Variants in EXOC4 observed in about 807,000 individuals in gnomAD.
EXOC4 encodes exocyst complex component 4.
A neutral mutation model predicts 107.2 loss-of-function variants in EXOC4; 71 were observed. The observed-to-expected ratio is 0.66, with a 90% CI of 0.55 to 0.81. The LOEUF (loss-of-function observed/expected upper bound fraction) is 0.81, where lower values mean the gene tolerates loss of function less well. Among genes scored for constraint, EXOC4 ranks in the 30% least tolerant of loss-of-function variants. EXOC4 has a pLI of 0.00. For synonymous variants in EXOC4, 456 were observed against 441.2 expected (o/e 1.03, Z -0.42); for missense variants, 1,108 against 1,189.6 (o/e 0.93, Z 1.01).
chr7:133,369,088 T>C (rs1796307334), intron 6 of EXOC4, among the ~76,000 whole-genome samples: 1 of 152,232 alleles, frequency 6.6e-6, no homozygotes, highest in Non-Finnish European at 1.5e-5. Context: ...CCTTAGTGTG[T>C]CTGCAGCTAA....
At chr7:133,375,319 T>C (rs991249988) in intron 7 of EXOC4, among the ~76,000 whole-genome samples, 1 of 152,004 alleles carries the variant, frequency 6.6e-6, no homozygotes, top group African/African-American at 2.4e-5. Flanking sequence ...CTACTAAAAA[T>C]ACAAAAATTA....
chr7:133,282,468 A>T (rs1794179415), intron 2 of EXOC4, among the ~76,000 whole-genome samples: 1 of 152,178 alleles, frequency 6.6e-6, no homozygotes, highest in African/African-American at 2.4e-5. Context: ...TTTCAATCTT[A>T]ATTATACTTA....
At chr7:133,942,428 G>T (rs561985888) in intron 14 of EXOC4, among the ~76,000 whole-genome samples, 22 of 152,008 alleles carry the variant, frequency 1.4e-4, no homozygotes, top group Middle Eastern at 6.8e-3. Context: ...AATTTTTTGG[G>T]CAAATAAATC....
intron 17 of EXOC4, among the ~76,000 whole-genome samples, chr7:134,008,243 C>T (rs1161663938): frequency 1.3e-5 from 2 of 152,184 alleles, no homozygotes; most frequent in Non-Finnish European, 2.9e-5. Context: ...ACTTTTCACA[C>T]ATATTCAAGC....
At chr7:133,518,020 G>A (rs1799912168) in intron 9 of EXOC4, among the ~76,000 whole-genome samples, 1 of 151,848 alleles carries the variant, frequency 6.6e-6, no homozygotes, top group African/African-American at 2.4e-5. Context: ...CTAGGATGGT[G>A]CCAGATGGGA....
At chr7:133,934,478 A>G (rs976692561) in intron 13 of EXOC4, among the ~76,000 whole-genome samples, 6 of 152,192 alleles carry the variant, frequency 3.9e-5, no homozygotes, top group Admixed American at 3.9e-4. Flanking sequence ...TGAGGAGGTT[A>G]AGCAAATCCC....
the EXOC4 span, among the ~76,000 whole-genome samples, chr7:134,095,646 G>A: frequency 6.6e-6 from 1 of 152,034 alleles, no homozygotes; most frequent in African/African-American, 2.4e-5. Context: ...AAACAGAATA[G>A]AGAACCCAAA....
intron 13 of EXOC4, among the ~76,000 whole-genome samples, chr7:133,926,738 C>G (rs1365201673): frequency 6.6e-6 from 1 of 151,982 alleles, no homozygotes; most frequent in Non-Finnish European, 1.5e-5. Flanking sequence ...GTGATGCAGT[C>G]CTGAATCAGG....
intron 10 of EXOC4, among the ~76,000 whole-genome samples, chr7:133,780,009 G>A (rs1007587306): frequency 3.6e-4 from 55 of 152,248 alleles, no homozygotes; most frequent in Middle Eastern, 3.4e-3. Flanking sequence ...TGTACCCACC[G>A]GAAGGAACAA....
At chr7:133,368,813 C>T (rs1204953911) in intron 6 of EXOC4, among the ~76,000 whole-genome samples, 2 of 151,908 alleles carry the variant, frequency 1.3e-5, no homozygotes, top group Non-Finnish European at 2.9e-5. Flanking sequence ...TTATTTTTTT[C>T]TGAAGGGTAG....
At chr7:134,096,953 C>T in the EXOC4 span, among the ~76,000 whole-genome samples, 1 of 152,026 alleles carries the variant, frequency 6.6e-6, no homozygotes, top group Non-Finnish European at 1.5e-5. Context: ...ACCATCACAA[C>T]TCTGTTTTCA....
intron 10 of EXOC4, among the ~76,000 whole-genome samples, chr7:133,640,730 C>T (rs536673023): frequency 6.6e-5 from 10 of 152,264 alleles, no homozygotes; most frequent in African/African-American, 2.4e-4. Context: ...TTTGGGTTTT[C>T]TGATCAGTCA....
intron 17 of EXOC4, among the ~76,000 whole-genome samples, chr7:134,039,244 A>T (rs1362789923): frequency 6.6e-6 from 1 of 152,084 alleles, no homozygotes; most frequent in Non-Finnish European, 1.5e-5. Flanking sequence ...TAAACCATGT[A>T]CTCCTAACTT....
At chr7:134,027,989 A>G (rs1443696700) in intron 17 of EXOC4, among the ~76,000 whole-genome samples, 1 of 152,190 alleles carries the variant, frequency 6.6e-6, no homozygotes, top group African/African-American at 2.4e-5. Context: ...CACCCCTTAC[A>G]GACTCATGTC....
At chr7:133,477,103 C>G (rs1367364746) in intron 8 of EXOC4, among the ~76,000 whole-genome samples, 1 of 152,188 alleles carries the variant, frequency 6.6e-6, no homozygotes, top group Admixed American at 6.5e-5. Context: ...GCATTTTACC[C>G]TATTTAACAT....
chr7:133,506,302 A>G (rs1432179287), intron 9 of EXOC4, among the ~76,000 whole-genome samples: 1 of 152,128 alleles, frequency 6.6e-6, no homozygotes, highest in African/African-American at 2.4e-5. Flanking sequence ...TAAACCCCTC[A>G]AAAAATTACA....
intron 14 of EXOC4, among the ~76,000 whole-genome samples, chr7:133,939,435 G>A (rs143416821): frequency 8.7e-4 from 132 of 152,336 alleles, no homozygotes; most frequent in African/African-American, 3.0e-3. Context: ...AGGGACTGAA[G>A]CAGTGGGCTT....
intron 9 of EXOC4, among the ~76,000 whole-genome samples, chr7:133,568,178 G>T: frequency 6.6e-6 from 1 of 151,436 alleles, no homozygotes; most frequent in African/African-American, 2.4e-5. Context: ...TCTGCAACCT[G>T]TCTCCTCATA....
At chr7:133,823,025 A>G (rs1157248311) in intron 11 of EXOC4, among the ~76,000 whole-genome samples, 1 of 152,180 alleles carries the variant, frequency 6.6e-6, no homozygotes, top group Non-Finnish European at 1.5e-5. Flanking sequence ...ATGAGCCTAC[A>G]TTTTCTGGCT....
Sources: allele counts gnomAD v4.1 joint callset (sites outside exome capture counted in the v4.1 genomes callset), GRCh38; gene constraint gnomAD v4.1.1; transcripts MANE v1.5; gene names NCBI Gene and HGNC (gene_info 2026-07-23, HGNC 2026-07-21).